Variants in SLC22A3 observed in about 807,000 individuals in gnomAD.
SLC22A3 encodes the protein solute carrier family 22 member 3.
Under a neutral mutation model 59.1 loss-of-function variants are expected in SLC22A3, and 51 were observed. That is an observed-to-expected ratio of 0.86 (90% CI 0.69 to 1.09). The LOEUF is 1.09. Ranked by LOEUF, SLC22A3 falls within the 50% of genes least tolerant of loss-of-function variation. The probability of loss-of-function intolerance (pLI) is 0.00; values close to 1 mark genes in which losing one functional copy is unlikely to be tolerated. For synonymous variants in SLC22A3, 325 were observed against 292.0 expected, an observed-to-expected ratio of 1.11 and a Z score of -1.15; for missense variants, 711 against 726.3, an observed-to-expected ratio of 0.98 and a Z score of 0.24.
intron 10 of SLC22A3, among the ~76,000 whole-genome samples, chr6:160,449,232 G>A (rs757531388): frequency 6.6e-6 from 1 of 151,994 alleles, no homozygotes; most frequent in Non-Finnish European, 1.5e-5. Flanking sequence ...GTTTTTGTTT[G>A]TTTTTGGCTT....
intron 10 of SLC22A3, among the ~76,000 whole-genome samples, chr6:160,448,866 A>G (rs2114933435): frequency 6.6e-6 from 1 of 152,338 alleles, no homozygotes; most frequent in African/African-American, 2.4e-5. Flanking sequence ...TTTAAAAATT[A>G]GAACACGTAG....
At chr6:160,369,933 G>T (rs1369697278) in intron 1 of SLC22A3, among the ~76,000 whole-genome samples, 1 of 152,206 alleles carries the variant, frequency 6.6e-6, no homozygotes, top group Non-Finnish European at 1.5e-5. Flanking sequence ...TGACCCAATG[G>T]CCAGGGCAGG....
chr6:160,361,573 A>G (rs1785013255), intron 1 of SLC22A3, among the ~76,000 whole-genome samples: 1 of 152,220 alleles, frequency 6.6e-6, no homozygotes, highest in Admixed American at 6.5e-5. Flanking sequence ...GACACTTGAC[A>G]TGTGTTCAAC....
chr6:160,364,174 C>T (rs1772997167), intron 1 of SLC22A3, among the ~76,000 whole-genome samples: 2 of 152,022 alleles, frequency 1.3e-5, no homozygotes, highest in Non-Finnish European at 2.9e-5. Context: ...ATGTTGATGA[C>T]ATATTAAGGA....
At position 160,452,357 on chromosome 6, in the gene SLC22A3, G is replaced by C. The variant is rs1269930942; in HGVS notation, c.*1301G>C. 6.6e-6 allele frequency: 1 copy of C among 152,190 alleles called. No individual in the cohort carries two copies. Among genetic ancestry groups the C allele is most frequent in the Non-Finnish European group, 1.5e-5 (1 of 68,036 alleles). The allele number at this position is 152,190 out of a possible 1,614,324, so 9.4% of individuals were successfully genotyped here. On this transcript the variant is annotated 3_prime_UTR_variant, in exon 11 of 11. Coordinates refer to ENST00000275300, the MANE Select transcript of SLC22A3 (RefSeq NM_021977.4). ...CGCTAATCGTAAAATGAGCATCTTA[G>C]TCTTTAAAACACATCAGAATTGAAT...
At chr6:160,414,376 C>T (rs1243750162) in intron 5 of SLC22A3, among the ~76,000 whole-genome samples, 1 of 152,184 alleles carries the variant, frequency 6.6e-6, no homozygotes, top group African/African-American at 2.4e-5. Context: ...ATAGGGAAGA[C>T]AAGACATATG....
At chr6:160,436,670 C>T in intron 5 of SLC22A3, 110 bp from the exon 6 acceptor site, 1 of 710,634 alleles carries the variant, frequency 1.4e-6, no homozygotes, top group South Asian at 1.6e-5. Flanking sequence ...ATTATGAAAG[C>T]CCCTAGTCAC....
At chr6:160,413,757 A>G (rs912419889) in intron 5 of SLC22A3, among the ~76,000 whole-genome samples, 1 of 152,182 alleles carries the variant, frequency 6.6e-6, no homozygotes, top group Admixed American at 6.5e-5. Flanking sequence ...TATAAATATA[A>G]AACTAATATC....
chr6:160,397,257 G>T (rs1427268413), intron 1 of SLC22A3, among the ~76,000 whole-genome samples: 2 of 152,020 alleles, frequency 1.3e-5, no homozygotes, highest in Non-Finnish European at 2.9e-5. Context: ...GCCCACAATA[G>T]GGTTCACGCT....
intron 5 of SLC22A3, chr6:160,426,360 T>C (rs1295564046): frequency 1.3e-5 from 13 of 985,156 alleles, no homozygotes; most frequent in Non-Finnish European, 1.6e-5. Flanking sequence ...GGGTGCAGAG[T>C]TGGGTTACTT....
chr6:160,446,600 G>T (rs975877588), intron 9 of SLC22A3, among the ~76,000 whole-genome samples: 2 of 152,098 alleles, frequency 1.3e-5, no homozygotes, highest in African/African-American at 4.8e-5. Context: ...CAACAATCCA[G>T]TCACCTCCCA....
chr6:160,443,656 G>C lies in SLC22A3; in HGVS notation c.1424G>C (p.Gly475Ala). Residue 475 changes from glycine (G) to alanine (A), a missense_variant, in exon 9 of 11, where the codon GGT (glycine) becomes GCT (alanine). Gly to Ala is a moderately conservative substitution (Grantham distance 60). Transcript: ENST00000275300. Reference protein sequence around the residue: ...LRNFGVSLCSGLCDFGGIIAP... With the variant: ...LRNFGVSLCSALCDFGGIIAP... The stretch of plus-strand genomic sequence containing the variant: ...AATTTCGGAGTTTCGCTCTGTTCAG[G>C]TCTGTGTGATTTTGGGGGAATCATA... 1 of 1,613,950 alleles carries C rather than the reference G, an allele frequency of 6.2e-7. No individual in the cohort carries two copies. Among genetic ancestry groups the C allele is most frequent in the Non-Finnish European group, 8.5e-7 (1 of 1,179,914 alleles).
rs759023403 is a variant in SLC22A3, at chr6:160,410,727, A to G, written c.858-2A>G. 1.2e-6 allele frequency: 2 copies of G among 1,601,270 alleles called. No homozygotes were observed. The highest frequency in any genetic ancestry group is 2.2e-5 in the South Asian group (2 of 90,840). ...ACTCACAACAGCCTCCTTCTTTGCCAGGGTGGTCCCTGAGTCTCCCCGTTG... is the reference window on the plus strand; with the variant it reads ...ACTCACAACAGCCTCCTTCTTTGCCGGGGTGGTCCCTGAGTCTCCCCGTTG... On this transcript the variant is annotated splice_acceptor_variant, in intron 4 of 10. Coordinates refer to ENST00000275300, the MANE Select transcript of SLC22A3 (RefSeq NM_021977.4). LOFTEE classifies it high-confidence loss of function.
At chr6:160,395,342 C>G (rs973044349) in intron 1 of SLC22A3, among the ~76,000 whole-genome samples, 4 of 152,186 alleles carry the variant, frequency 2.6e-5, no homozygotes, top group African/African-American at 7.2e-5. Flanking sequence ...ATAGGCCTTG[C>G]TATGTCATCT....
intron 1 of SLC22A3, among the ~76,000 whole-genome samples, chr6:160,355,621 G>A (rs673736): frequency 0.52 from 77,930 of 150,706 alleles, 20,551 homozygotes; most frequent in African/African-American, 0.63. Context: ...ATACAAAAAC[G>A]ATTAGCCAGG....
intron 5 of SLC22A3, 53 bp downstream of exon 5, chr6:160,410,899 TTGTTGCTTCTTGTGTACTTAA>T: frequency 1.9e-6 from 2 of 1,042,806 alleles, no homozygotes; most frequent in Non-Finnish European, 3.0e-6. Context: ...TGAATTGATT[TTGTTGCTTCTTGTGTACTTAA>T]TGTTGCTTCT....
rs1788960593 is a variant in SLC22A3, at chr6:160,451,437, G to C, written c.*381G>C. On this transcript the variant is annotated 3_prime_UTR_variant, in exon 11 of 11. Transcript: ENST00000275300. ...TGTGGGATGTGCCGACCAAGGATTT[G>C]AGAAAGTTGTACAGAAATGTGTTCA... The C allele has an allele frequency of 4.7e-6, 1 of 213,628 alleles. No individual in the cohort carries two copies. Among genetic ancestry groups the C allele is most frequent in the African/African-American group, 2.3e-5 (1 of 43,738 alleles). The allele number at this position is 213,628 out of a possible 1,614,324, so 13.2% of individuals were successfully genotyped here.
At chr6:160,366,310 G>T (rs1038014054) in intron 1 of SLC22A3, among the ~76,000 whole-genome samples, 10 of 152,192 alleles carry the variant, frequency 6.6e-5, no homozygotes, top group Non-Finnish European at 1.0e-4. Context: ...CAGGCATTGG[G>T]TAAATACAGC....
intron 2 of SLC22A3, among the ~76,000 whole-genome samples, chr6:160,401,724 T>A (rs139988466): frequency 0.029 from 4,362 of 152,074 alleles, 76 homozygotes; most frequent in South Asian, 0.068. Context: ...TAAGCATACA[T>A]AAGCATATAT....
Sources: allele counts gnomAD v4.1 joint callset (sites outside exome capture counted in the v4.1 genomes callset), GRCh38; gene constraint gnomAD v4.1.1; transcripts MANE v1.5; gene names NCBI Gene and HGNC (gene_info 2026-07-23, HGNC 2026-07-21).